DGKI: variants seen among roughly 807,000 people sequenced by gnomAD.
The protein encoded by DGKI is DAG kinase iota.
In DGKI, 55 loss-of-function variants were observed where a neutral mutation model predicts 147.5. The ratio of observed to expected loss-of-function variants is 0.37; its 90% CI spans 0.30 to 0.47. DGKI has a LOEUF of 0.47. Among genes scored for constraint, DGKI ranks in the 20% least tolerant of loss-of-function variants. The pLI, the probability that DGKI is intolerant of heterozygous loss-of-function variation, is 1.00. For synonymous variants in DGKI, 469 were observed against 477.1 expected, an observed-to-expected ratio of 0.98 and a Z score of 0.22; for missense variants, 1,007 against 1,323.8, an observed-to-expected ratio of 0.76 and a Z score of 3.71.
chr7:137,543,370 A>T (rs1290022983), intron 20 of DGKI, among the ~76,000 whole-genome samples: 1 of 152,232 alleles, frequency 6.6e-6, no homozygotes, highest in Non-Finnish European at 1.5e-5. Flanking sequence ...TCATCAATTC[A>T]TATGTTGTCA....
chr7:137,657,731 T>G (rs1822278454), intron 3 of DGKI, among the ~76,000 whole-genome samples: 1 of 152,198 alleles, frequency 6.6e-6, no homozygotes, highest in South Asian at 2.1e-4. Context: ...TGGTTTCCCC[T>G]GCTGAGGTAT....
At chr7:137,435,467 C>T (rs1813244452) in intron 28 of DGKI, among the ~76,000 whole-genome samples, 1 of 152,016 alleles carries the variant, frequency 6.6e-6, no homozygotes, top group Non-Finnish European at 1.5e-5. Flanking sequence ...TGACAGAAAG[C>T]TTATGGCTAA....
chr7:137,572,500 G>C (rs1332278995), intron 18 of DGKI, among the ~76,000 whole-genome samples: 1 of 152,170 alleles, frequency 6.6e-6, no homozygotes, highest in Non-Finnish European at 1.5e-5. Flanking sequence ...AATAAATTAA[G>C]ATGTTCCAGT....
At chr7:137,840,133 C>T (rs1284126879) in intron 1 of DGKI, among the ~76,000 whole-genome samples, 2 of 152,214 alleles carry the variant, frequency 1.3e-5, no homozygotes, top group Non-Finnish European at 2.9e-5. Flanking sequence ...TCAGGACACT[C>T]GTGAGCCATT....
chr7:137,575,893 C>T (rs834436), intron 17 of DGKI, among the ~76,000 whole-genome samples: 29,614 of 152,062 alleles, frequency 0.19, 4,989 homozygotes, highest in African/African-American at 0.45. Context: ...CTTATACATG[C>T]TTTACTGGTG....
At chr7:137,763,314 C>G (rs1795916108) in intron 1 of DGKI, among the ~76,000 whole-genome samples, 1 of 152,232 alleles carries the variant, frequency 6.6e-6, no homozygotes, top group Non-Finnish European at 1.5e-5. Flanking sequence ...GTCCAGGAAG[C>G]TACGGGTGTG....
chr7:137,542,218 G>C (rs1480010691), intron 20 of DGKI, among the ~76,000 whole-genome samples: 4 of 152,118 alleles, frequency 2.6e-5, no homozygotes, highest in African/African-American at 7.2e-5. Flanking sequence ...AGTTTCTTAC[G>C]AAGGTGAACA....
intron 7 of DGKI, 85 bp from the exon 8 acceptor site, chr7:137,620,025 A>G (rs980160632): frequency 2.0e-5 from 13 of 665,634 alleles, no homozygotes; most frequent in African/African-American, 1.9e-4. Context: ...ACACGCACAC[A>G]CACACACACA....
chr7:137,598,354 C>T (rs989967617), intron 11 of DGKI, among the ~76,000 whole-genome samples: 3 of 152,048 alleles, frequency 2.0e-5, no homozygotes, highest in Admixed American at 1.3e-4. Flanking sequence ...TTTACTTCTT[C>T]TAACTTATAC....
At chr7:137,456,988 C>T (rs1814230369) in intron 27 of DGKI, among the ~76,000 whole-genome samples, 1 of 152,176 alleles carries the variant, frequency 6.6e-6, no homozygotes, top group Admixed American at 6.5e-5. Flanking sequence ...ATATTTCACA[C>T]ACCCATAGGA....
intron 12 of DGKI, among the ~76,000 whole-genome samples, chr7:137,597,269 T>C (rs1819828736): frequency 6.6e-6 from 1 of 152,156 alleles, no homozygotes; most frequent in African/African-American, 2.4e-5. Flanking sequence ...ATAGAAATGA[T>C]AGCCTAGGTA....
intron 3 of DGKI, among the ~76,000 whole-genome samples, chr7:137,657,917 C>G (rs1822283462): frequency 1.3e-5 from 2 of 152,188 alleles, no homozygotes; most frequent in East Asian, 3.9e-4. Context: ...CATTATCAGC[C>G]ACCAACAAAG....
chr7:137,534,924 G>C (rs1817467404), intron 20 of DGKI, among the ~76,000 whole-genome samples: 1 of 152,098 alleles, frequency 6.6e-6, no homozygotes, highest in Non-Finnish European at 1.5e-5. Flanking sequence ...AACATGACTA[G>C]TGTCTTTTAT....
At chr7:137,446,155 T>C (rs950914681) in intron 27 of DGKI, among the ~76,000 whole-genome samples, 1 of 152,200 alleles carries the variant, frequency 6.6e-6, no homozygotes, top group African/African-American at 2.4e-5. Context: ...GTGGAGAGCT[T>C]GTGAAGCAAG....
At chr7:137,490,086 T>G (rs972966688) in intron 21 of DGKI, among the ~76,000 whole-genome samples, 1 of 152,172 alleles carries the variant, frequency 6.6e-6, no homozygotes, top group Non-Finnish European at 1.5e-5. Flanking sequence ...TGAGCAATAC[T>G]TAGCTGTTAA....
chr7:137,644,824 A>T (rs546101777), intron 6 of DGKI, among the ~76,000 whole-genome samples: 1 of 152,284 alleles, frequency 6.6e-6, no homozygotes, highest in Admixed American at 6.5e-5. Context: ...ACATTGGAAA[A>T]AGCTGTAACC....
chr7:137,660,279 T>C (rs189728450), intron 3 of DGKI, among the ~76,000 whole-genome samples: 58 of 152,288 alleles, frequency 3.8e-4, no homozygotes, highest in Non-Finnish European at 6.8e-4. Flanking sequence ...ACAGTATAGA[T>C]CACAGTCCAT....
intron 14 of DGKI, 123 bp downstream of exon 14, chr7:137,585,086 C>T: frequency 8.5e-7 from 1 of 1,183,024 alleles, no homozygotes; most frequent in Non-Finnish European, 1.2e-6. Flanking sequence ...GCCATCAACT[C>T]AAATATTATC....
chr7:137,454,568 T>G (rs1368844113), intron 27 of DGKI, among the ~76,000 whole-genome samples: 1 of 152,222 alleles, frequency 6.6e-6, no homozygotes, highest in Non-Finnish European at 1.5e-5. Flanking sequence ...CATCACATTT[T>G]AGCATTCTGT....
Sources: allele counts gnomAD v4.1 joint callset (sites outside exome capture counted in the v4.1 genomes callset), GRCh38; gene constraint gnomAD v4.1.1; transcripts MANE v1.5; gene names NCBI Gene and HGNC (gene_info 2026-07-23, HGNC 2026-07-21).